Variants in ARHGAP6 observed in about 807,000 individuals in gnomAD.
ARHGAP6 encodes the protein Rho GTPase activating protein 6.
Under a neutral mutation model 55.7 loss-of-function variants are expected in ARHGAP6, and 16 were observed. The observed-to-expected ratio is 0.29, with a 90% CI of 0.19 to 0.44. The LOEUF (loss-of-function observed/expected upper bound fraction) is 0.44. Among genes scored for constraint, ARHGAP6 ranks in the 20% least tolerant of loss-of-function variants. The probability of loss-of-function intolerance (pLI) is 1.00; values close to 1 mark genes in which losing one functional copy is unlikely to be tolerated. For missense variants in ARHGAP6, 698 were observed against 808.9 expected, an observed-to-expected ratio of 0.86 and a Z score of 1.66; for synonymous variants, 382 against 360.9, an observed-to-expected ratio of 1.06 and a Z score of -0.66.
intron 4 of ARHGAP6, among the ~76,000 whole-genome samples, chrX:11,187,076 A>G (rs748255978): frequency 1.8e-5 from 2 of 111,412 alleles, no homozygotes; most frequent in South Asian, 3.8e-4. Flanking sequence ...CCTTAGAGCT[A>G]TCCCTATCAA....
intron 1 of ARHGAP6, among the ~76,000 whole-genome samples, chrX:11,313,816 C>A (rs981670904): frequency 2.7e-5 from 3 of 112,097 alleles, no homozygotes; most frequent in African/African-American, 9.7e-5. Flanking sequence ...AAGACAAGTA[C>A]GCTTTGATGA....
intron 1 of ARHGAP6, among the ~76,000 whole-genome samples, chrX:11,329,671 G>A (rs886965150): frequency 7.2e-5 from 8 of 111,839 alleles, no homozygotes; most frequent in Non-Finnish European, 9.4e-5. Flanking sequence ...TTATCATACA[G>A]TGTGGCAGAC....
intron 1 of ARHGAP6, among the ~76,000 whole-genome samples, chrX:11,638,584 A>T (rs1292622990): frequency 9.0e-6 from 1 of 111,509 alleles, no homozygotes; most frequent in Non-Finnish European, 1.9e-5. Context: ...CCTAAGAACA[A>T]GGAGTCAACA....
At chrX:11,335,559 T>C (rs1289335770) in intron 1 of ARHGAP6, 1 of 158,115 alleles carries the variant, frequency 6.3e-6, no homozygotes, top group Non-Finnish European at 1.2e-5. Flanking sequence ...ACTCACCCTT[T>C]TTTATGGCTG....
At chrX:11,158,311 T>G (rs974117281) in intron 9 of ARHGAP6, among the ~76,000 whole-genome samples, 2 of 111,205 alleles carry the variant, frequency 1.8e-5, no homozygotes, top group African/African-American at 6.5e-5. Flanking sequence ...AGGGCCTGTA[T>G]CCATATGAGG....
intron 1 of ARHGAP6, among the ~76,000 whole-genome samples, chrX:11,431,203 CCA>C (rs1319228562): frequency 3.6e-5 from 4 of 111,555 alleles, no homozygotes; most frequent in Non-Finnish European, 1.9e-5. Flanking sequence ...ATCATTCACC[CCA>C]GAGAGGACTT....
intron 1 of ARHGAP6, among the ~76,000 whole-genome samples, chrX:11,303,750 T>A (rs2048200026): frequency 9.0e-6 from 1 of 111,627 alleles, no homozygotes. Flanking sequence ...GGCTTTCCAG[T>A]GTGATGGTAG....
chrX:11,245,143 G>A (rs762959667), intron 2 of ARHGAP6, among the ~76,000 whole-genome samples: 20 of 112,109 alleles, frequency 1.8e-4, no homozygotes, highest in Non-Finnish European at 3.4e-4. Context: ...GGTCACCAAA[G>A]TCAACTTGGA....
At chrX:11,602,271 T>C (rs2051985293) in intron 1 of ARHGAP6, among the ~76,000 whole-genome samples, 1 of 112,205 alleles carries the variant, frequency 8.9e-6, no homozygotes, top group Non-Finnish European at 1.9e-5. Flanking sequence ...AATGAAACAT[T>C]TGTCTGGGTA....
chrX:11,375,187 T>C lies in ARHGAP6; in HGVS notation c.589-120480A>G, dbSNP rs764259147. ...GAGCAAATGTATAACTTAGATCTTA[T>C]TCTGAACAGATTTGTTCTGGGGCTT... On this transcript the variant is annotated intron_variant, in intron 1 of 12. Coordinates refer to ENST00000337414, the MANE Select transcript of ARHGAP6 (RefSeq NM_013427.3). 4.5e-5 allele frequency among the ~76,000 whole-genome samples: 5 copies of C among 112,212 alleles called. No homozygotes were observed. In the East Asian group the frequency reaches 1.1e-3, roughly 25 times the overall value.
chrX:11,366,618 G>C (rs2049081562), intron 1 of ARHGAP6, among the ~76,000 whole-genome samples: 1 of 111,640 alleles, frequency 9.0e-6, no homozygotes, highest in Non-Finnish European at 1.9e-5. Context: ...TGGGGAGAAA[G>C]AGAGAAAGCT....
chrX:11,336,947 G>A (rs1432683979), intron 1 of ARHGAP6, among the ~76,000 whole-genome samples: 1 of 110,746 alleles, frequency 9.0e-6, no homozygotes, highest in Non-Finnish European at 1.9e-5. Context: ...TATATCCCAG[G>A]GAGACGTACA....
rs192856242 is a variant in ARHGAP6 at position 11,239,865 on chromosome X, G to T, written c.748+14683C>A. 3.7e-3 allele frequency among the ~76,000 whole-genome samples: 411 copies of T among 111,753 alleles called. 5 individuals are homozygous for T. The highest frequency in any genetic ancestry group is 0.013 in the African/African-American group (402 of 30,795). On this transcript the variant is annotated intron_variant, in intron 2 of 12. Transcript: ENST00000337414. ...TGATCTGTGGATATCCTGTAAAAAG[G>T]TTTAGTAATACCATATTTTGTCCTT...
At chrX:11,629,226 C>G in intron 1 of ARHGAP6, among the ~76,000 whole-genome samples, 1 of 112,075 alleles carries the variant, frequency 8.9e-6, no homozygotes, top group Admixed American at 9.5e-5. Flanking sequence ...CCACAGTTCT[C>G]TTAGGTCCAG....
rs1442269135 is a variant in ARHGAP6 at position 11,518,071 on chromosome X, T to C, written c.588+146170A>G. On this transcript the variant is annotated intron_variant, in intron 1 of 12. Transcript: ENST00000337414. The stretch of plus-strand genomic sequence containing the variant: ...CCTAACATTTTAAAACCTGAAATTA[T>C]CAGTATCTTCCTTACCCACGCACTC... 3.6e-5 allele frequency among the ~76,000 whole-genome samples: 4 copies of C among 111,825 alleles called. No individual in the cohort carries two copies. In the Admixed American group the frequency reaches 3.8e-4, roughly 11 times the overall value.
chrX:11,577,502 G>A (rs1451293871), intron 1 of ARHGAP6, among the ~76,000 whole-genome samples: 2 of 111,846 alleles, frequency 1.8e-5, no homozygotes, highest in East Asian at 2.8e-4. Flanking sequence ...AACTTGCCCT[G>A]TCATGGCAGA....
At chrX:11,576,897 T>C (rs2051605331) in intron 1 of ARHGAP6, among the ~76,000 whole-genome samples, 2 of 111,593 alleles carry the variant, frequency 1.8e-5, no homozygotes, top group Non-Finnish European at 3.8e-5. Context: ...TTTTTTGTCA[T>C]TGTCCAGCTT....
intron 1 of ARHGAP6, among the ~76,000 whole-genome samples, chrX:11,578,444 G>C (rs1423285903): frequency 8.9e-6 from 1 of 112,006 alleles, no homozygotes; most frequent in Non-Finnish European, 1.9e-5. Context: ...CATCATCACT[G>C]GTCATCAGAT....
chrX:11,630,987 GC>G (rs2052354481), intron 1 of ARHGAP6, among the ~76,000 whole-genome samples: 1 of 110,893 alleles, frequency 9.0e-6, no homozygotes, highest in Non-Finnish European at 1.9e-5. Context: ...TGGCTGCCTG[GC>G]CAGGCACTGT....
Sources: allele counts gnomAD v4.1 joint callset (sites outside exome capture counted in the v4.1 genomes callset), GRCh38; gene constraint gnomAD v4.1.1; transcripts MANE v1.5; gene names NCBI Gene and HGNC (gene_info 2026-07-23, HGNC 2026-07-21).